ZC3H11A: variants seen among roughly 807,000 people sequenced by gnomAD.
The protein encoded by ZC3H11A is zinc finger CCCH domain-containing protein 11A.
Under a neutral mutation model 90.8 loss-of-function variants are expected in ZC3H11A, and 22 were observed. The observed-to-expected ratio is 0.24, with a 90% CI of 0.17 to 0.35. The LOEUF (loss-of-function observed/expected upper bound fraction) is 0.35, where lower values mean the gene tolerates loss of function less well. ZC3H11A is among the 10% of genes least tolerant of loss of function. The pLI is 1.00. For synonymous variants in ZC3H11A, 294 were observed against 339.8 expected (o/e 0.87, Z 1.48); for missense variants, 701 against 964.9 (o/e 0.73, Z 3.62).
At chr1:203,810,677 C>G (rs1674150019) in intron 2 of ZC3H11A, among the ~76,000 whole-genome samples, 1 of 152,040 alleles carries the variant, frequency 6.6e-6, no homozygotes, top group Admixed American at 6.6e-5. Context: ...CCTCGGACTC[C>G]CAAAATGCTG....
In ZC3H11A at chr1:203,798,435, A is replaced by G. The variant is rs542442615; in HGVS notation, c.-1588+2641A>G. Reference sequence around the variant, plus strand: ...GCCAGGGTCCCACTTAGGGACTTCAACACTTCAACGACACCTGCAAGCCAC... The same window carrying G: ...GCCAGGGTCCCACTTAGGGACTTCAGCACTTCAACGACACCTGCAAGCCAC... On this transcript the variant is annotated intron_variant, in intron 1 of 17. Coordinates refer to ENST00000367210, the MANE Select transcript of ZC3H11A (RefSeq NM_001376342.1). 18 of 1,535,706 alleles carry G rather than the reference A, an allele frequency of 1.2e-5. 1 individual carries two copies. The South Asian group carries it at 1.3e-4, about 11-fold the overall frequency.
At chr1:203,815,828 C>T (rs1052962800) in intron 2 of ZC3H11A, among the ~76,000 whole-genome samples, 5 of 152,100 alleles carry the variant, frequency 3.3e-5, no homozygotes, top group Middle Eastern at 3.2e-3. Context: ...CTGGTATGTA[C>T]GTTTGTGGAA....
At chr1:203,842,835 T>A (rs938441340) in intron 12 of ZC3H11A, among the ~76,000 whole-genome samples, 8 of 151,676 alleles carry the variant, frequency 5.3e-5, no homozygotes, top group Non-Finnish European at 1.0e-4. Context: ...ATTTTTAAAT[T>A]TTTTAAATTA....
At chr1:203,827,601 G>T (rs1317476389) in intron 4 of ZC3H11A, among the ~76,000 whole-genome samples, 1 of 151,618 alleles carries the variant, frequency 6.6e-6, no homozygotes, top group East Asian at 1.9e-4. Flanking sequence ...AGAATGGCGT[G>T]AACCCGGGAG....
chr1:203,808,491 A>G (rs902772149), intron 2 of ZC3H11A, among the ~76,000 whole-genome samples: 7 of 152,180 alleles, frequency 4.6e-5, no homozygotes, highest in African/African-American at 1.4e-4. Context: ...AAGTCCATCA[A>G]ATTTAAGGAA....
intron 2 of ZC3H11A, among the ~76,000 whole-genome samples, chr1:203,805,277 G>A (rs554350575): frequency 1.3e-5 from 2 of 150,896 alleles, no homozygotes; most frequent in East Asian, 2.0e-4. Flanking sequence ...GACTACAGGC[G>A]CCCGCCACCA....
intron 1 of ZC3H11A, chr1:203,799,129 T>A: frequency 6.6e-7 from 1 of 1,519,326 alleles, no homozygotes; most frequent in Non-Finnish European, 8.8e-7. Flanking sequence ...GACTGTTTGA[T>A]AACCAATATT....
intron 2 of ZC3H11A, among the ~76,000 whole-genome samples, chr1:203,804,747 A>C (rs1260303533): frequency 4.1e-5 from 6 of 145,282 alleles, no homozygotes; most frequent in East Asian, 2.0e-4. Context: ...GTCTTGGCTC[A>C]TTGCAACCTC....
At chr1:203,827,632 A>G (rs746663981) in intron 4 of ZC3H11A, among the ~76,000 whole-genome samples, 39 of 151,558 alleles carry the variant, frequency 2.6e-4, no homozygotes, top group Non-Finnish European at 5.3e-4. Context: ...CAGTGAGCGG[A>G]GATCGCGCCA....
At position 203,841,844 on chromosome 1, in the gene ZC3H11A, G is replaced by A. The variant is rs1305366130; in HGVS notation, c.1042+1470G>A. Among the ~76,000 whole-genome samples, 39 of 149,372 alleles carry A rather than the reference G, an allele frequency of 2.6e-4. 1 individual carries two copies. In the East Asian group the frequency reaches 4.8e-3, roughly 19 times the overall value. On this transcript the variant is annotated intron_variant, in intron 12 of 17. Transcript: ENST00000367210. Reference sequence around the variant, plus strand: ...CGGAGGGGCTCCTCACTTCGCAGACGGGGCGGCTGCCGGGCGGAGGGGCTC... The same window carrying A: ...CGGAGGGGCTCCTCACTTCGCAGACAGGGCGGCTGCCGGGCGGAGGGGCTC...
intron 12 of ZC3H11A, among the ~76,000 whole-genome samples, chr1:203,841,919 A>G (rs1686405673): frequency 7.0e-6 from 1 of 143,078 alleles, no homozygotes; most frequent in Non-Finnish European, 1.5e-5. Context: ...CACCTCCCAG[A>G]TGGGGTGGCG....
chr1:203,848,228 G>GT (rs1328135038), intron 13 of ZC3H11A, 103 bp from the exon 14 acceptor site: 1 of 934,972 alleles, frequency 1.1e-6, no homozygotes, highest in Non-Finnish European at 1.6e-6. Flanking sequence ...AATTTTATTT[G>GT]TCCTGTCTTA....
chr1:203,843,389 T>C (rs1687011430), intron 12 of ZC3H11A, among the ~76,000 whole-genome samples: 1 of 152,214 alleles, frequency 6.6e-6, no homozygotes, highest in South Asian at 2.1e-4. Context: ...CCTTGTGAAA[T>C]TTGTATTAGA....
chr1:203,851,008 A>T (rs749319665), intron 16 of ZC3H11A, 49 bp from the exon 17 acceptor site: 1 of 1,595,580 alleles, frequency 6.3e-7, no homozygotes, highest in South Asian at 1.1e-5. Flanking sequence ...AATATGCTCA[A>T]ATTAAAAAGC....
chr1:203,798,089 G>C (rs550393612), intron 1 of ZC3H11A: 1 of 1,536,148 alleles, frequency 6.5e-7, no homozygotes, highest in Admixed American at 2.0e-5. Flanking sequence ...GGGCCAACAA[G>C]TTTGGAGTTG....
rs1376879565 is a variant in ZC3H11A, at chr1:203,850,569, A to C, written c.1994A>C (p.Lys665Thr). 1 of 1,613,944 alleles carries C rather than the reference A, an allele frequency of 6.2e-7. No homozygotes were observed. The highest frequency in any genetic ancestry group is 2.2e-5 in the East Asian group (1 of 44,878). Reference protein sequence around the residue: ...PSVVKVVSSPKLAPKRKAVEM... With the variant: ...PSVVKVVSSPTLAPKRKAVEM... Reference sequence around the variant, plus strand: ...GTGGTTAAAGTTGTGTCATCCCCCAAATTGGCCCCAAAACGTAAGGCAGTG... The same window carrying C: ...GTGGTTAAAGTTGTGTCATCCCCCACATTGGCCCCAAAACGTAAGGCAGTG... The change falls in exon 16 of 18, where the codon AAA (lysine) becomes ACA (threonine). Residue 665 changes from lysine (K) to threonine (T), a missense_variant. By Grantham distance (78) the Lys-to-Thr change is moderately conservative. Coordinates refer to ENST00000367210, the MANE Select transcript of ZC3H11A (RefSeq NM_001376342.1).
In ZC3H11A at chr1:203,853,467, T is replaced by TG. The variant is rs1380386229; in HGVS notation, c.*1070dup. On this transcript the variant is annotated 3_prime_UTR_variant, in exon 18 of 18. Coordinates refer to ENST00000367210, the MANE Select transcript of ZC3H11A (RefSeq NM_001376342.1). ...GAATTGAGTTTTCTTTTCTTGATGT[T>TG]GGTTTCCTTCATATCACCTCAAGGT... 6.5e-6 allele frequency: 1 copy of TG among 152,734 alleles called. No homozygotes were observed. Among genetic ancestry groups the TG allele is most frequent in the East Asian group, 1.9e-4 (1 of 5,168 alleles). The allele number at this position is 152,734 out of a possible 1,614,324, so 9.5% of individuals were successfully genotyped here. A position where few individuals can be genotyped will look rare whatever the true frequency, so the allele number is the denominator to read the frequency against.
At chr1:203,808,073 C>CT (rs1014995160) in intron 2 of ZC3H11A, among the ~76,000 whole-genome samples, 2 of 151,912 alleles carry the variant, frequency 1.3e-5, no homozygotes, top group African/African-American at 4.8e-5. Flanking sequence ...TTATTGAGTA[C>CT]TTTTTTGTAA....
intron 2 of ZC3H11A, among the ~76,000 whole-genome samples, chr1:203,805,233 A>G (rs1005619824): frequency 6.6e-6 from 1 of 150,482 alleles, no homozygotes; most frequent in African/African-American, 2.5e-5. Context: ...TCCTGGGTTC[A>G]AGCAATTCTC....
Sources: gnomAD v4.1 joint callset for allele counts (sites outside exome capture counted in the v4.1 genomes callset) on GRCh38, gnomAD v4.1.1 for gene constraint, MANE v1.5 for transcripts, NCBI Gene and HGNC (gene_info 2026-07-23, HGNC 2026-07-21) for gene names.